RNF150: variants seen among roughly 807,000 people sequenced by gnomAD.
RNF150 encodes the protein ring finger protein 150.
RNF150 carries 24 observed loss-of-function variants against 39.3 expected under a neutral mutation model. The ratio of observed to expected loss-of-function variants is 0.61; its 90% confidence interval spans 0.44 to 0.86. RNF150 has a LOEUF of 0.86. RNF150 is among the 40% of genes least tolerant of loss of function. The pLI is 0.00. For missense variants in RNF150, 502 were observed against 587.8 expected (o/e 0.85, Z 1.51); for synonymous variants, 255 against 227.3 (o/e 1.12, Z -1.10).
At chr4:141,197,958 T>C (rs1728229372) in intron 1 of RNF150, among the ~76,000 whole-genome samples, 1 of 152,056 alleles carries the variant, frequency 6.6e-6, no homozygotes, top group African/African-American at 2.4e-5. Context: ...AGTTAAATAT[T>C]TATTTTATCA....
At chr4:141,049,688 G>C in intron 1 of RNF150, among the ~76,000 whole-genome samples, 1 of 152,118 alleles carries the variant, frequency 6.6e-6, no homozygotes, top group African/African-American at 2.4e-5. Context: ...AAGATATCTG[G>C]AGAATATTTG....
intron 6 of RNF150, among the ~76,000 whole-genome samples, chr4:140,880,669 G>GTTTGTTTGTTTGTTTT (rs886952094): frequency 6.6e-6 from 1 of 151,178 alleles, no homozygotes; most frequent in African/African-American, 2.4e-5. Flanking sequence ...TTGTTTGTTT[G>GTTTGTTTGTTTGTTTT]TTTTAAACAA....
At chr4:141,171,502 A>T (rs1273807323) in intron 1 of RNF150, among the ~76,000 whole-genome samples, 2 of 150,998 alleles carry the variant, frequency 1.3e-5, no homozygotes, top group African/African-American at 4.9e-5. Context: ...GAAAGTGGGG[A>T]TTCTTACTAC....
intron 1 of RNF150, among the ~76,000 whole-genome samples, chr4:141,195,968 G>T (rs1439178605): frequency 6.6e-6 from 1 of 152,112 alleles, no homozygotes; most frequent in East Asian, 1.9e-4. Flanking sequence ...CAAAGATTAT[G>T]GGCTTCTCCA....
intron 2 of RNF150, among the ~76,000 whole-genome samples, chr4:140,950,985 GA>G (rs976392053): frequency 6.6e-6 from 1 of 152,078 alleles, no homozygotes; most frequent in African/African-American, 2.4e-5. Context: ...TAAATACCAG[GA>G]AAAACAGGAG....
intron 1 of RNF150, among the ~76,000 whole-genome samples, chr4:141,086,843 C>G (rs918462627): frequency 2.6e-5 from 4 of 152,048 alleles, no homozygotes; most frequent in African/African-American, 9.7e-5. Context: ...AACAGCCCAG[C>G]TGAACAGGAG....
At chr4:141,182,789 C>T (rs1727933271) in intron 1 of RNF150, among the ~76,000 whole-genome samples, 1 of 122,084 alleles carries the variant, frequency 8.2e-6, no homozygotes, top group Non-Finnish European at 1.7e-5. Flanking sequence ...CCATCCCCAT[C>T]AAGCTACCAA....
At chr4:141,062,788 C>T (rs533060640) in intron 1 of RNF150, among the ~76,000 whole-genome samples, 1 of 152,256 alleles carries the variant, frequency 6.6e-6, no homozygotes, top group East Asian at 1.9e-4. Context: ...AGGCAATGAG[C>T]ACCGTACCCA....
At chr4:141,089,480 C>T (rs573122663) in intron 1 of RNF150, among the ~76,000 whole-genome samples, 74 of 152,164 alleles carry the variant, frequency 4.9e-4, no homozygotes, top group African/African-American at 1.7e-3. Flanking sequence ...TAAAAGTGAC[C>T]GAAAACTTAC....
At chr4:141,136,445 A>G (rs1358443382), upstream of RNF150, among the ~76,000 whole-genome samples, 1 of 152,220 alleles carries the variant, frequency 6.6e-6, no homozygotes, top group Non-Finnish European at 1.5e-5. Context: ...TTAATAAGTC[A>G]AAAGTTCAGT....
At chr4:141,160,598 A>T (rs1727493567) in intron 1 of RNF150, among the ~76,000 whole-genome samples, 1 of 152,110 alleles carries the variant, frequency 6.6e-6, no homozygotes, top group African/African-American at 2.4e-5. Context: ...CCAGTGTTGG[A>T]GGTGGGGCCT....
chr4:141,209,658 T>C (rs149752182), intron 1 of RNF150, among the ~76,000 whole-genome samples: 1 of 152,160 alleles, frequency 6.6e-6, no homozygotes, highest in Non-Finnish European at 1.5e-5. Flanking sequence ...TCTTTTTAAA[T>C]TTATTAAGAG....
chr4:141,050,512 T>C (rs1646255737), intron 1 of RNF150, among the ~76,000 whole-genome samples: 1 of 152,114 alleles, frequency 6.6e-6, no homozygotes, highest in South Asian at 2.1e-4. Context: ...CTAGATACAA[T>C]GGGGGTACAG....
At chr4:140,946,063 G>A (rs1560980832) in intron 4 of RNF150, among the ~76,000 whole-genome samples, 1 of 152,144 alleles carries the variant, frequency 6.6e-6, no homozygotes, top group African/African-American at 2.4e-5. Flanking sequence ...CTTACATAGC[G>A]AATCCTCATA....
At chr4:141,162,046 A>G (rs1727521690) in intron 1 of RNF150, among the ~76,000 whole-genome samples, 1 of 152,174 alleles carries the variant, frequency 6.6e-6, no homozygotes, top group Non-Finnish European at 1.5e-5. Context: ...GAAGAGGGCC[A>G]CTGTCCTCCA....
chr4:141,065,598 C>A (rs1231034082), intron 1 of RNF150, among the ~76,000 whole-genome samples: 1 of 151,306 alleles, frequency 6.6e-6, no homozygotes, highest in African/African-American at 2.4e-5. Context: ...CTAAGAAAGG[C>A]GAATTTTAGA....
At chr4:140,962,993 C>T (rs538329853) in intron 2 of RNF150, among the ~76,000 whole-genome samples, 2 of 151,914 alleles carry the variant, frequency 1.3e-5, no homozygotes, top group Non-Finnish European at 2.9e-5. Flanking sequence ...TATAGATACA[C>T]ATATAATGAA....
intron 1 of RNF150, among the ~76,000 whole-genome samples, chr4:141,067,595 C>T (rs1737512226): frequency 6.6e-6 from 1 of 152,172 alleles, no homozygotes; most frequent in Non-Finnish European, 1.5e-5. Context: ...GGCATATCAT[C>T]TCCTATTGTT....
chr4:141,115,200 T>C (rs988206299), intron 1 of RNF150, among the ~76,000 whole-genome samples: 3 of 152,204 alleles, frequency 2.0e-5, no homozygotes, highest in African/African-American at 7.2e-5. Flanking sequence ...GGAAGTCAAA[T>C]TGTCTCCGTT....
Sources: gnomAD v4.1 joint callset for allele counts (sites outside exome capture counted in the v4.1 genomes callset) on GRCh38, gnomAD v4.1.1 for gene constraint, MANE v1.5 for transcripts, NCBI Gene and HGNC (gene_info 2026-07-23, HGNC 2026-07-21) for gene names.